Variants in ADARB2 observed in about 807,000 individuals in gnomAD.
The protein encoded by ADARB2 is inactive double-stranded RNA-specific editase B2.
A neutral mutation model predicts 62.2 loss-of-function variants in ADARB2; 25 were observed. The observed-to-expected ratio is 0.40, with a 90% CI of 0.29 to 0.56. ADARB2 has a LOEUF of 0.56. ADARB2 is among the 20% of genes least tolerant of loss of function. The pLI, the probability that ADARB2 is intolerant of heterozygous loss-of-function variation, is 0.43. For missense variants in ADARB2, 1,071 were observed against 1,077.4 expected (o/e 0.99, Z 0.08); for synonymous variants, 572 against 500.8 (o/e 1.14, Z -1.90).
intron 3 of ADARB2, 107 bp from the exon 4 acceptor site, chr10:1,271,176 C>A: frequency 1.2e-6 from 1 of 842,872 alleles, no homozygotes. Context: ...TGTGGCCACA[C>A]ATGGGCCTGC....
chr10:1,351,451 A>G (rs142809182), intron 3 of ADARB2, among the ~76,000 whole-genome samples: 21,677 of 151,346 alleles, frequency 0.14, 1,817 homozygotes, highest in South Asian at 0.23. Flanking sequence ...AACTTAGACA[A>G]TACTCTTTTA....
chr10:1,219,114 T>G (rs944882444), intron 6 of ADARB2, among the ~76,000 whole-genome samples: 1 of 150,718 alleles, frequency 6.6e-6, no homozygotes, highest in African/African-American at 2.4e-5. Context: ...GCTCTGGCCA[T>G]GTCACTTTCT....
intron 5 of ADARB2, 65 bp from the exon 6 acceptor site, chr10:1,233,910 G>A (rs553191155): frequency 3.3e-6 from 5 of 1,509,620 alleles, no homozygotes; most frequent in East Asian, 2.4e-5. Flanking sequence ...CCAACCAGGT[G>A]AACGCTTGAG....
chr10:1,204,461 T>C (rs992893639), intron 7 of ADARB2, among the ~76,000 whole-genome samples: 3 of 152,336 alleles, frequency 2.0e-5, no homozygotes, highest in Non-Finnish European at 2.9e-5. Context: ...TAAATGATGG[T>C]GCATTATTGA....
chr10:1,727,094 A>G (rs1835176745), intron 1 of ADARB2, among the ~76,000 whole-genome samples: 1 of 152,220 alleles, frequency 6.6e-6, no homozygotes, highest in South Asian at 2.1e-4. Flanking sequence ...CTGTGGCTTA[A>G]AAATAAACCC....
chr10:1,422,009 G>A (rs1450502210), intron 1 of ADARB2, among the ~76,000 whole-genome samples: 1 of 152,174 alleles, frequency 6.6e-6, no homozygotes, highest in Non-Finnish European at 1.5e-5. Context: ...CAGGCTTGAG[G>A]TGCCTGCATC....
At chr10:1,543,328 A>C (rs1218122090) in intron 1 of ADARB2, among the ~76,000 whole-genome samples, 2 of 152,224 alleles carry the variant, frequency 1.3e-5, no homozygotes, top group Non-Finnish European at 2.9e-5. Flanking sequence ...CAGTGCAGTC[A>C]AGGCCTCCTG....
chr10:1,434,716 C>T (rs912612473), intron 1 of ADARB2, among the ~76,000 whole-genome samples: 1 of 152,184 alleles, frequency 6.6e-6, no homozygotes, highest in Non-Finnish European at 1.5e-5. Context: ...GACGTAAACT[C>T]ACTGAGGCTC....
At chr10:1,271,135 TGTCCTCCCC>T (rs1216641409) in intron 3 of ADARB2, 66 bp from the exon 4 acceptor site, 1 of 1,312,650 alleles carries the variant, frequency 7.6e-7, no homozygotes, top group African/African-American at 1.5e-5. Context: ...GATGGGGCAC[TGTCCTCCCC>T]GTCCTCACAG....
intron 1 of ADARB2, among the ~76,000 whole-genome samples, chr10:1,648,071 T>A (rs928431363): frequency 2.0e-5 from 3 of 152,236 alleles, no homozygotes; most frequent in African/African-American, 7.2e-5. Flanking sequence ...TAAAGCCACA[T>A]AGACATGTTA....
intron 1 of ADARB2, among the ~76,000 whole-genome samples, chr10:1,562,737 G>T (rs1310301883): frequency 8.5e-5 from 13 of 152,218 alleles, no homozygotes; most frequent in Non-Finnish European, 7.3e-5. Context: ...GCCATGATGG[G>T]CAGGCCACTT....
At chr10:1,352,353 A>G (rs1832151955) in intron 3 of ADARB2, among the ~76,000 whole-genome samples, 1 of 152,034 alleles carries the variant, frequency 6.6e-6, no homozygotes, top group Admixed American at 6.6e-5. Flanking sequence ...AACCTAGCTG[A>G]CCCCGTAGAT....
In ADARB2 at chr10:1,521,260, G is replaced by A. The variant is rs528063532; in HGVS notation, c.101-142100C>T. 5.3e-5 allele frequency among the ~76,000 whole-genome samples: 8 copies of A among 152,282 alleles called. No individual in the cohort carries two copies. The East Asian group carries it at 1.3e-3, about 26-fold the overall frequency. On this transcript the variant is annotated intron_variant, in intron 1 of 9. Coordinates refer to ENST00000381312, the MANE Select transcript of ADARB2 (RefSeq NM_018702.4). ...ATGAGTTGGGTCCCAGGCATCTCGG[G>A]TGACAATAGAATGTAGTGGTTAAAA...
intron 1 of ADARB2, among the ~76,000 whole-genome samples, chr10:1,538,743 G>C (rs1368892249): frequency 6.6e-6 from 1 of 152,248 alleles, no homozygotes; most frequent in Non-Finnish European, 1.5e-5. Context: ...ACAACGTCGG[G>C]GCCATGGGAG....
chr10:1,294,916 G>A (rs1162010746), intron 3 of ADARB2, among the ~76,000 whole-genome samples: 1 of 152,216 alleles, frequency 6.6e-6, no homozygotes, highest in Non-Finnish European at 1.5e-5. Context: ...GACCAATTGT[G>A]ATAGGATGCC....
intron 3 of ADARB2, among the ~76,000 whole-genome samples, chr10:1,311,425 A>C (rs565290888): frequency 6.6e-6 from 1 of 152,290 alleles, no homozygotes; most frequent in African/African-American, 2.4e-5. Flanking sequence ...GATCCTTCAG[A>C]TGCTCCCCAA....
chr10:1,240,319 CCCCTCTGCCTCCCGGTGTTTACT>C (rs1830902876), intron 5 of ADARB2: 1 of 146,016 alleles, frequency 6.8e-6, no homozygotes, highest in Non-Finnish European at 1.5e-5. Flanking sequence ...GGTGTTTACT[CCCCTCTGCCTCCCGGTGTTTACT>C]CCCTGTGTCC....
intron 3 of ADARB2, among the ~76,000 whole-genome samples, chr10:1,362,009 A>C (rs1056422261): frequency 6.6e-6 from 1 of 152,266 alleles, no homozygotes; most frequent in Non-Finnish European, 1.5e-5. Flanking sequence ...AATTTGCATA[A>C]ATCAGCCATT....
chr10:1,516,343 G>C (rs1458384524), intron 1 of ADARB2, among the ~76,000 whole-genome samples: 3 of 152,364 alleles, frequency 2.0e-5, no homozygotes, highest in African/African-American at 7.2e-5. Flanking sequence ...GGGTGCAACA[G>C]AGGCGGCTTT....
Sources: gnomAD v4.1 joint callset for allele counts (sites outside exome capture counted in the v4.1 genomes callset) on GRCh38, gnomAD v4.1.1 for gene constraint, MANE v1.5 for transcripts, NCBI Gene and HGNC (gene_info 2026-07-23, HGNC 2026-07-21) for gene names.